ANK3: variants seen among roughly 807,000 people sequenced by gnomAD.
ANK3 encodes the protein ankyrin 3.
In ANK3, 57 loss-of-function variants were observed where a neutral mutation model predicts 370.9. That is an observed-to-expected ratio of 0.15 (90% CI 0.12 to 0.19). The LOEUF (loss-of-function observed/expected upper bound fraction) is 0.19. Ranked by LOEUF, ANK3 falls within the 10% of genes least tolerant of loss-of-function variation. The pLI is 1.00. For synonymous variants in ANK3, 1,929 were observed against 1,946.3 expected (o/e 0.99, Z 0.23); for missense variants, 4,439 against 5,302.1 (o/e 0.84, Z 5.06).
chr10:60,349,554 C>T (rs945258170), intron 1 of ANK3, among the ~76,000 whole-genome samples: 14 of 151,920 alleles, frequency 9.2e-5, no homozygotes, highest in Admixed American at 8.5e-4. Flanking sequence ...AAATCTTAAT[C>T]CTTACCCTTG....
intron 2 of ANK3, among the ~76,000 whole-genome samples, chr10:60,451,489 C>T (rs1427457986): frequency 1.3e-5 from 2 of 152,122 alleles, no homozygotes; most frequent in East Asian, 1.9e-4. Flanking sequence ...CATGGCCTTG[C>T]CTTTTGAAGA....
At chr10:60,111,266 G>C (rs567985585) in intron 26 of ANK3, among the ~76,000 whole-genome samples, 1 of 152,206 alleles carries the variant, frequency 6.6e-6, no homozygotes, top group Admixed American at 6.5e-5. Context: ...ACAACAAACT[G>C]GAAGAGTCTC....
At position 60,082,182 on chromosome 10, in the gene ANK3, G is replaced by C; in HGVS notation, c.4324-6C>G. 6.2e-7 allele frequency: 1 copy of C among 1,608,322 alleles called. No individual in the cohort carries two copies. The highest frequency in any genetic ancestry group is 2.2e-5 in the East Asian group (1 of 44,674). ...TCTTGATCTGACTCTGTCTCCTTTT[G>C]GTTCCAAGATGCATTGCAGAGACAA... On this transcript the variant is annotated splice_region_variant and splice_polypyrimidine_tract_variant and intron_variant, in intron 34 of 43. Coordinates refer to ENST00000280772, the MANE Select transcript of ANK3 (RefSeq NM_020987.5).
Position 60,270,238 on chromosome 10 carries a change from T to G in ANK3, c.415-9A>C, listed in dbSNP as rs766701352. On this transcript the variant is annotated splice_polypyrimidine_tract_variant and intron_variant, in intron 4 of 43. Transcript: ENST00000280772. ...AATGGCGTGAAACCATTCTGCAAAA[T>G]AAGAAAAAAAATGTTTGTCTGCAGC... The G allele has an allele frequency of 1.3e-6, 2 of 1,559,720 alleles. No homozygotes were observed. The highest frequency in any genetic ancestry group is 3.8e-5 in the Admixed American group (2 of 52,082).
chr10:60,258,556 C>A (rs993415819), intron 7 of ANK3, among the ~76,000 whole-genome samples: 3 of 152,220 alleles, frequency 2.0e-5, no homozygotes, highest in Admixed American at 2.0e-4. Flanking sequence ...CAAATGAATA[C>A]AGAAAGCAAT....
At chr10:60,059,540 C>T in intron 40 of ANK3, 110 bp from the exon 41 acceptor site, 1 of 1,252,850 alleles carries the variant, frequency 8.0e-7, no homozygotes, top group Admixed American at 1.7e-5. Flanking sequence ...GTTGAATGTC[C>T]TCAAATAGAG....
chr10:60,454,973 C>T (rs546741823), intron 2 of ANK3, among the ~76,000 whole-genome samples: 3 of 152,280 alleles, frequency 2.0e-5, no homozygotes, highest in South Asian at 2.1e-4. Context: ...ATTTCTGTAA[C>T]ATGTGGCAAT....
At chr10:60,718,179 G>GCAGC (rs1469092650) in intron 1 of ANK3, among the ~76,000 whole-genome samples, 1 of 152,186 alleles carries the variant, frequency 6.6e-6, no homozygotes, top group Non-Finnish European at 1.5e-5. Context: ...AAGTTAGGTT[G>GCAGC]CAGCTCACTA....
At chr10:60,369,659 C>T (rs1158165716) in intron 1 of ANK3, among the ~76,000 whole-genome samples, 3 of 152,132 alleles carry the variant, frequency 2.0e-5, no homozygotes, top group Non-Finnish European at 4.4e-5. Flanking sequence ...TCATTCCATC[C>T]AGGGAACTTC....
At position 60,702,150 on chromosome 10, in the gene ANK3, C is replaced by T. The variant is rs535567189; in HGVS notation, c.57+31113G>A. Among the ~76,000 whole-genome samples, 19 of 151,980 alleles carry T rather than the reference C, an allele frequency of 1.3e-4. No homozygotes were observed. In the South Asian group the frequency reaches 4.0e-3, roughly 32 times the overall value. On this transcript the variant is annotated intron_variant, in intron 1 of 43. Coordinates refer to the ANK3 transcript ENST00000373827. ...GTGGGGTGGCACACATCTGTAGTCT[C>T]AGCTCCTTGGAAGACTGAGGTAGGA...
At chr10:60,647,972 C>T (rs531869090) in intron 1 of ANK3, among the ~76,000 whole-genome samples, 11 of 151,546 alleles carry the variant, frequency 7.3e-5, no homozygotes, top group Non-Finnish European at 1.3e-4. Context: ...CTCAGCCTCC[C>T]GAGTAGCTGG....
Position 60,075,655 on chromosome 10 carries a change from C to T in ANK3, c.5226G>A (p.Gln1742=), listed in dbSNP as rs557205037. ...INGCKATATL[Q]EKISSATNSV... ...AGTTTGTAGCAGAAGAAATTTTTTC[C>T]TGTAACGTGGCAGTGGCTTTGCATC... is the stretch of plus-strand genomic sequence containing the variant. The change falls in exon 37 of 44, where the codon CAG becomes CAA. Residue 1742 remains glutamine, a synonymous_variant. Transcript: ENST00000280772. 5 of 1,614,060 alleles carry T rather than the reference C, an allele frequency of 3.1e-6. No individual in the cohort carries two copies. Among genetic ancestry groups the T allele is most frequent in the African/African-American group, 1.3e-5 (1 of 75,026 alleles).
Position 60,303,876 on chromosome 10 carries a change from A to G in ANK3, c.115-24237T>C, listed in dbSNP as rs77056301. ...CTAATGAATAAAATGTGGTGTATAT[A>G]TGTGTGTGTGTGTGTGTGTGTGTGT... On this transcript the variant is annotated intron_variant, in intron 1 of 43. Coordinates refer to ENST00000280772, the MANE Select transcript of ANK3 (RefSeq NM_020987.5). Among the ~76,000 whole-genome samples the G allele has an allele frequency of 1.0e-3, 151 of 147,542 alleles. 1 individual carries two copies. Among genetic ancestry groups the G allele is most frequent in the East Asian group, 7.0e-3 (35 of 4,972 alleles).
intron 2 of ANK3, among the ~76,000 whole-genome samples, chr10:60,611,649 A>T (rs939117002): frequency 6.6e-6 from 1 of 151,908 alleles, no homozygotes; most frequent in African/African-American, 2.4e-5. Flanking sequence ...CTCATATTCC[A>T]CAGTTCAAAG....
chr10:60,594,831 A>T (rs1395896208), intron 2 of ANK3, among the ~76,000 whole-genome samples: 3 of 152,144 alleles, frequency 2.0e-5, no homozygotes, highest in African/African-American at 7.2e-5. Flanking sequence ...TACAAGGGTT[A>T]GTCCTGCTGG....
chr10:60,449,880 C>T (rs1203765572), intron 2 of ANK3, among the ~76,000 whole-genome samples: 6 of 152,050 alleles, frequency 3.9e-5, no homozygotes, highest in Admixed American at 2.0e-4. Flanking sequence ...GCTGTTTACA[C>T]AACTAAGTAA....
chr10:60,217,204 C>CA (rs548792679), intron 8 of ANK3, among the ~76,000 whole-genome samples: 5 of 151,538 alleles, frequency 3.3e-5, no homozygotes, highest in Admixed American at 2.0e-4. Flanking sequence ...TTAATTTTTT[C>CA]AAAAAAACAG....
At chr10:60,702,929 A>G (rs1251875902) in intron 1 of ANK3, among the ~76,000 whole-genome samples, 4 of 152,148 alleles carry the variant, frequency 2.6e-5, no homozygotes, top group Non-Finnish European at 5.9e-5. Flanking sequence ...TCTAAATCCA[A>G]CTACAGTTTA....
At chr10:60,329,242 C>A (rs1335525520) in intron 1 of ANK3, among the ~76,000 whole-genome samples, 1 of 152,174 alleles carries the variant, frequency 6.6e-6, no homozygotes, top group Admixed American at 6.5e-5. Context: ...GATGCCCTCT[C>A]TCACCATTTT....
Sources: gnomAD v4.1 joint callset for allele counts (sites outside exome capture counted in the v4.1 genomes callset) on GRCh38, gnomAD v4.1.1 for gene constraint, MANE v1.5 for transcripts, NCBI Gene and HGNC (gene_info 2026-07-23, HGNC 2026-07-21) for gene names.